PDLIM1: variants seen among roughly 807,000 people sequenced by gnomAD.
The protein encoded by PDLIM1 is PDZ and LIM domain 1.
Under a neutral mutation model 35.2 loss-of-function variants are expected in PDLIM1, and 25 were observed. That is an observed-to-expected ratio of 0.71 (90% CI 0.52 to 0.99). The LOEUF (loss-of-function observed/expected upper bound fraction) is 0.99. Ranked by LOEUF, PDLIM1 falls within the 50% of genes least tolerant of loss-of-function variation. The probability of loss-of-function intolerance (pLI) is 0.00; values close to 1 mark genes in which losing one functional copy is unlikely to be tolerated. For synonymous variants in PDLIM1, 152 were observed against 154.0 expected, an observed-to-expected ratio of 0.99 and a Z score of 0.10; for missense variants, 363 against 415.3, an observed-to-expected ratio of 0.87 and a Z score of 1.09.
chr10:95,253,650 C>G (rs2035286309), intron 4 of PDLIM1, among the ~76,000 whole-genome samples: 1 of 124,146 alleles, frequency 8.1e-6, no homozygotes, highest in African/African-American at 2.9e-5. Context: ...GAGCGAGACT[C>G]TGTCTTAAAA....
intron 4 of PDLIM1, among the ~76,000 whole-genome samples, chr10:95,260,078 T>C (rs973448554): frequency 6.6e-6 from 1 of 152,254 alleles, no homozygotes; most frequent in Admixed American, 6.5e-5. Context: ...TCATGGAAAC[T>C]AAAGTTAGCA....
chr10:95,247,652 C>A, intron 4 of PDLIM1: 1 of 269,946 alleles, frequency 3.7e-6, no homozygotes. Context: ...TGCTCTATCT[C>A]TTTATAAATT....
At chr10:95,270,527 G>T (rs1036229759) in intron 2 of PDLIM1, among the ~76,000 whole-genome samples, 2 of 152,058 alleles carry the variant, frequency 1.3e-5, no homozygotes, top group African/African-American at 4.8e-5. Context: ...GCCTTTGCGG[G>T]ACCCCTTCCA....
chr10:95,239,466 T>TTA (rs2035156377), intron 5 of PDLIM1, among the ~76,000 whole-genome samples: 1 of 152,210 alleles, frequency 6.6e-6, no homozygotes, highest in African/African-American at 2.4e-5. Flanking sequence ...AAAGGTCTAA[T>TTA]ATCCAGCATC....
chr10:95,271,784 C>A lies in PDLIM1; in HGVS notation c.97G>T (p.Val33Phe). ...DFEQPLAISR[V>F]TPGSKAALAN... ...AGAGCCGCCTTGCTTCCAGGAGTGA[C>A]CTAGAAAAAAAGGGGAAAGCAGGCT... Residue 33 changes from valine to phenylalanine, a missense_variant and splice_region_variant, in exon 2 of 7, where the codon GTC (valine) becomes TTC (phenylalanine). Val to Phe is a conservative substitution (Grantham distance 50). Transcript: ENST00000329399. The A allele has an allele frequency of 1.2e-6, 2 of 1,603,746 alleles. No individual in the cohort carries two copies. Among genetic ancestry groups the A allele is most frequent in the Non-Finnish European group, 1.7e-6 (2 of 1,177,188 alleles).
chr10:95,251,736 TAGACATA>T (rs2035269737), intron 4 of PDLIM1, among the ~76,000 whole-genome samples: 4 of 152,042 alleles, frequency 2.6e-5, no homozygotes, highest in African/African-American at 9.7e-5. Flanking sequence ...GAAGATGAGG[TAGACATA>T]TTTTTCCCTG....
intron 1 of PDLIM1, among the ~76,000 whole-genome samples, chr10:95,287,688 C>G (rs2035614720): frequency 6.6e-6 from 1 of 151,644 alleles, no homozygotes; most frequent in South Asian, 2.1e-4. Flanking sequence ...AAAAATACCT[C>G]AAGGAAATGG....
At chr10:95,240,868 G>A (rs975403404) in intron 5 of PDLIM1, among the ~76,000 whole-genome samples, 7 of 152,154 alleles carry the variant, frequency 4.6e-5, no homozygotes, top group African/African-American at 1.7e-4. Context: ...CACATCTTAG[G>A]TAACAAAGCC....
chr10:95,274,967 G>A (rs2035498784), intron 1 of PDLIM1, among the ~76,000 whole-genome samples: 1 of 152,188 alleles, frequency 6.6e-6, no homozygotes, highest in South Asian at 2.1e-4. Flanking sequence ...TTAGGAGGAT[G>A]AGAGGGGCCT....
At chr10:95,261,025 G>T (rs1463859981) in intron 4 of PDLIM1, among the ~76,000 whole-genome samples, 1 of 152,174 alleles carries the variant, frequency 6.6e-6, no homozygotes, top group African/African-American at 2.4e-5. Flanking sequence ...GTGCGGGGTG[G>T]AACAGAAACA....
At chr10:95,243,808 G>A (rs1467135084) in intron 5 of PDLIM1, among the ~76,000 whole-genome samples, 2 of 152,070 alleles carry the variant, frequency 1.3e-5, no homozygotes, top group Non-Finnish European at 2.9e-5. Flanking sequence ...CATGCTACAT[G>A]GATGAACCCC....
chr10:95,246,040 C>G (rs2035216175), intron 5 of PDLIM1, among the ~76,000 whole-genome samples: 1 of 152,188 alleles, frequency 6.6e-6, no homozygotes, highest in Non-Finnish European at 1.5e-5. Context: ...CTGGAGCATC[C>G]ACTGTCTCTT....
In PDLIM1 at chr10:95,290,980, G is replaced by C. The variant is rs1250679346; in HGVS notation, c.-65C>G. The C allele has an allele frequency of 2.1e-6, 2 of 974,946 alleles. No individual in the cohort carries two copies. Among genetic ancestry groups the C allele is most frequent in the African/African-American group, 3.4e-5 (2 of 59,408 alleles). The allele number at this position is 974,946 out of a possible 1,614,324, so 60.4% of individuals were successfully genotyped here. A position where few individuals can be genotyped will look rare whatever the true frequency, so the allele number is the denominator to read the frequency against. ...GGCAGGACGCGCGGAACAGCTTGCAGGGCACCCCCGGCGGCTGTCGGAGAA... is the reference window on the plus strand; with the variant it reads ...GGCAGGACGCGCGGAACAGCTTGCACGGCACCCCCGGCGGCTGTCGGAGAA... On this transcript the variant is annotated 5_prime_UTR_variant, in exon 1 of 7. Transcript: ENST00000329399. The surrounding 1 kb of genome is among the most constrained non-coding windows in gnomAD (Gnocchi z 4.7).
intron 1 of PDLIM1, among the ~76,000 whole-genome samples, chr10:95,283,705 A>C (rs775113462): frequency 7.2e-5 from 11 of 152,218 alleles, no homozygotes; most frequent in Non-Finnish European, 1.5e-4. Context: ...GCTTCTATGT[A>C]ACCTTTACTG....
chr10:95,244,028 GTGATAGTAGCA>G (rs2035198891), intron 5 of PDLIM1, among the ~76,000 whole-genome samples: 1 of 152,098 alleles, frequency 6.6e-6, no homozygotes, highest in South Asian at 2.1e-4. Flanking sequence ...ATGGATGGTG[GTGATAGTAGCA>G]CAATCACATA....
chr10:95,266,701 T>C (rs7912686), intron 3 of PDLIM1, among the ~76,000 whole-genome samples: 28,409 of 152,094 alleles, frequency 0.19, 2,725 homozygotes, highest in Middle Eastern at 0.3. Context: ...AGAATGGAAG[T>C]CAATGGAAAA....
At chr10:95,241,107 C>A (rs969352903) in intron 5 of PDLIM1, among the ~76,000 whole-genome samples, 3 of 152,210 alleles carry the variant, frequency 2.0e-5, no homozygotes, top group Non-Finnish European at 4.4e-5. Context: ...CACCCCATGA[C>A]TGCAGTCACG....
At chr10:95,240,953 C>A (rs902099425) in intron 5 of PDLIM1, among the ~76,000 whole-genome samples, 1 of 152,102 alleles carries the variant, frequency 6.6e-6, no homozygotes, top group Non-Finnish European at 1.5e-5. Context: ...CTGGGCCCCA[C>A]CCCCAGAGTT....
At chr10:95,268,953 G>A (rs2035439022) in intron 2 of PDLIM1, 91 bp from the exon 3 acceptor site, 11 of 882,026 alleles carry the variant, frequency 1.2e-5, no homozygotes, top group Non-Finnish European at 2.0e-5. Flanking sequence ...CTCTTTCCTG[G>A]ACTAGGCACT....
Sources: gnomAD v4.1 joint callset for allele counts (sites outside exome capture counted in the v4.1 genomes callset) on GRCh38, gnomAD v4.1.1 for gene constraint, Gnocchi (gnomAD v3.1) non-coding constraint, MANE v1.5 for transcripts, NCBI Gene and HGNC (gene_info 2026-07-23, HGNC 2026-07-21) for gene names.